Variants in ABLIM1 observed in about 807,000 individuals in gnomAD.
The protein encoded by ABLIM1 is actin binding LIM protein 1, also known as actin-binding LIM protein 1.
ABLIM1 carries 40 observed loss-of-function variants against 107.0 expected under a neutral mutation model. The ratio of observed to expected loss-of-function variants is 0.37; its 90% CI spans 0.29 to 0.49. The LOEUF is 0.49. Among genes scored for constraint, ABLIM1 ranks in the 20% least tolerant of loss-of-function variants. The probability of loss-of-function intolerance (pLI) is 0.97; values close to 1 mark genes in which losing one functional copy is unlikely to be tolerated. For missense variants in ABLIM1, 857 were observed against 1,008.5 expected (o/e 0.85, Z 2.04); for synonymous variants, 357 against 357.3 (o/e 1.00, Z 0.01).
intron 4 of ABLIM1, among the ~76,000 whole-genome samples, chr10:114,571,080 G>T (rs1183193482): frequency 6.6e-6 from 1 of 152,110 alleles, no homozygotes; most frequent in Non-Finnish European, 1.5e-5. Flanking sequence ...GGTATCTTAT[G>T]GTTGTTTTGA....
chr10:114,756,865 A>G (rs2082641293), intron 1 of ABLIM1, among the ~76,000 whole-genome samples: 2 of 152,132 alleles, frequency 1.3e-5, no homozygotes. Flanking sequence ...AACATCTTGT[A>G]TGTAACGCCA....
Position 114,619,905 on chromosome 10 carries a change from A to G in ABLIM1, c.245-17944T>C, listed in dbSNP as rs1452388752. ...GACAGATGACACCAAATTCCGGCCA[A>G]CTTCTGTTAAGGATAAAGTGGCAAA... On this transcript the variant is annotated intron_variant, in intron 1 of 22. Coordinates refer to ENST00000533213, the MANE Select transcript of ABLIM1 (RefSeq NM_002313.7). The surrounding 1 kb of genome is among the most constrained non-coding windows in gnomAD (Gnocchi z 4.1). Among the ~76,000 whole-genome samples the G allele has an allele frequency of 6.6e-6, 1 of 152,166 alleles. No homozygotes were observed. Among genetic ancestry groups the G allele is most frequent in the Non-Finnish European group, 1.5e-5 (1 of 68,038 alleles).
intron 1 of ABLIM1, among the ~76,000 whole-genome samples, chr10:114,697,492 A>C (rs2081221086): frequency 6.6e-6 from 1 of 152,268 alleles, no homozygotes. Context: ...AGCCCGGGGC[A>C]GTGGCACCGT....
At chr10:114,581,761 G>C (rs1366836756) in intron 2 of ABLIM1, among the ~76,000 whole-genome samples, 1 of 151,974 alleles carries the variant, frequency 6.6e-6, no homozygotes, top group African/African-American at 2.4e-5. Context: ...TTCTGAATTT[G>C]CCCCATGAAA....
At chr10:114,750,221 C>G (rs1175973408) in intron 1 of ABLIM1, among the ~76,000 whole-genome samples, 1 of 152,148 alleles carries the variant, frequency 6.6e-6, no homozygotes, top group African/African-American at 2.4e-5. Context: ...CAGATGGTAA[C>G]AGTATCCACA....
intron 1 of ABLIM1, among the ~76,000 whole-genome samples, chr10:114,719,489 G>T (rs770501568): frequency 2.6e-5 from 4 of 152,202 alleles, no homozygotes; most frequent in African/African-American, 9.6e-5. Flanking sequence ...GTGAAAGTAC[G>T]CTATCAAGGT....
At chr10:114,499,407 C>T (rs1478549453) in intron 6 of ABLIM1, among the ~76,000 whole-genome samples, 1 of 152,100 alleles carries the variant, frequency 6.6e-6, no homozygotes, top group Non-Finnish European at 1.5e-5. Flanking sequence ...TTAGAATCCC[C>T]AAAGGAATAA....
chr10:114,711,556 T>C (rs908384713), intron 1 of ABLIM1, among the ~76,000 whole-genome samples: 1 of 152,044 alleles, frequency 6.6e-6, no homozygotes, highest in African/African-American at 2.4e-5. Context: ...ACAATCAAAC[T>C]GGAGAACTTG....
chr10:114,714,139 T>C (rs983371503), intron 1 of ABLIM1, among the ~76,000 whole-genome samples: 1 of 152,246 alleles, frequency 6.6e-6, no homozygotes, highest in Admixed American at 6.5e-5. Context: ...TTGTTTAGCC[T>C]GGAATTGAAT....
At chr10:114,589,684 A>G (rs1368639296) in intron 2 of ABLIM1, among the ~76,000 whole-genome samples, 1 of 152,172 alleles carries the variant, frequency 6.6e-6, no homozygotes, top group Non-Finnish European at 1.5e-5. Flanking sequence ...CTGGGACAAC[A>G]AATGTGTGCC....
chr10:114,656,850 C>T (rs2079549587), intron 1 of ABLIM1, among the ~76,000 whole-genome samples: 1 of 152,146 alleles, frequency 6.6e-6, no homozygotes. Flanking sequence ...ATTCCATTCA[C>T]ATGAAATATC....
chr10:114,437,151 T>G (rs1428728655), intron 22 of ABLIM1, among the ~76,000 whole-genome samples: 1 of 152,094 alleles, frequency 6.6e-6, no homozygotes, highest in East Asian at 1.9e-4. Flanking sequence ...CAGCCTCCCA[T>G]GAACTCAACC....
intron 1 of ABLIM1, among the ~76,000 whole-genome samples, chr10:114,765,661 C>G (rs2142718476): frequency 6.6e-6 from 1 of 152,276 alleles, no homozygotes; most frequent in African/African-American, 2.4e-5. Flanking sequence ...AAACTCAACT[C>G]CGTAACTACT....
chr10:114,555,039 C>G (rs928833031), intron 4 of ABLIM1, among the ~76,000 whole-genome samples: 4 of 152,166 alleles, frequency 2.6e-5, no homozygotes, highest in Admixed American at 2.6e-4. Context: ...CATGTAAACA[C>G]TTGGTGTCTC....
intron 2 of ABLIM1, among the ~76,000 whole-genome samples, chr10:114,581,193 T>C (rs1051208557): frequency 6.6e-6 from 1 of 152,072 alleles, no homozygotes; most frequent in African/African-American, 2.4e-5. Context: ...GCTGAAATCT[T>C]TTAAAAAAAG....
chr10:114,697,129 G>A (rs949546524), intron 1 of ABLIM1, among the ~76,000 whole-genome samples: 3 of 152,104 alleles, frequency 2.0e-5, no homozygotes, highest in Non-Finnish European at 4.4e-5. Flanking sequence ...CACAAAACAC[G>A]CCCCTTCCCT....
chr10:114,542,907 G>A (rs2066881347), intron 6 of ABLIM1, among the ~76,000 whole-genome samples: 1 of 152,186 alleles, frequency 6.6e-6, no homozygotes, highest in Admixed American at 6.5e-5. Flanking sequence ...CAGCCTTCCT[G>A]GGGATATGCT....
chr10:114,760,316 T>A lies in ABLIM1; in HGVS notation c.-213+7745A>T, dbSNP rs113303502. ...GAGGGAAGAGAAAAAGCATATCTTT[T>A]CTTAATTGTTGAATCCCTTTTATAT... is the stretch of plus-strand genomic sequence containing the variant. On this transcript the variant is annotated intron_variant, in intron 1 of 15. Transcript: ENST00000651092. Among the ~76,000 whole-genome samples, 708 of 152,068 alleles carry A rather than the reference T, an allele frequency of 4.7e-3. 10 individuals carry two copies. Among genetic ancestry groups the A allele is most frequent in the African/African-American group, 0.016 (662 of 41,508 alleles).
At chr10:114,791,381 G>T in the ABLIM1 span, among the ~76,000 whole-genome samples, 3,849 of 152,296 alleles carry the variant, frequency 0.025, 165 homozygotes, top group African/African-American at 0.088. Context: ...GCTCATGCCT[G>T]TAATCCCAGC....
Sources: allele counts gnomAD v4.1 joint callset (sites outside exome capture counted in the v4.1 genomes callset), GRCh38; gene constraint gnomAD v4.1.1; non-coding constraint Gnocchi (gnomAD v3.1); transcripts MANE v1.5; gene names NCBI Gene and HGNC (gene_info 2026-07-23, HGNC 2026-07-21).